EVC2: variants seen among roughly 807,000 people sequenced by gnomAD.
The protein encoded by EVC2 is EvC ciliary complex subunit 2, also known as limbin.
A neutral mutation model predicts 149.3 loss-of-function variants in EVC2; 148 were observed. The observed-to-expected ratio is 0.99, with a 90% CI of 0.87 to 1.14. The LOEUF is 1.14. Among genes scored for constraint, EVC2 ranks in the 50% most tolerant of loss-of-function variants. EVC2 has a pLI of 0.00. For synonymous variants in EVC2, 776 were observed against 649.9 expected, an observed-to-expected ratio of 1.19 and a Z score of -2.95; for missense variants, 1,854 against 1,627.3, an observed-to-expected ratio of 1.14 and a Z score of -2.40.
intron 16 of EVC2, among the ~76,000 whole-genome samples, chr4:5,586,461 C>T (rs1712288800): frequency 6.6e-6 from 1 of 152,134 alleles, no homozygotes; most frequent in South Asian, 2.1e-4. Flanking sequence ...ATTCCAAAGT[C>T]AACCTGAAAA....
rs575617564 is a variant in EVC2 at position 5,622,674 on chromosome 4, G to A, written c.2364C>T (p.Ala788=). 3.2e-5 allele frequency: 51 copies of A among 1,614,024 alleles called. No homozygotes were observed. The highest frequency in any genetic ancestry group is 3.7e-5 in the Non-Finnish European group (44 of 1,180,016). ...EEHGKEMAAR[A]EQLEGEERDR... ...CCCTCTCCTCCCCCTCCAGCTGCTC[G>A]GCCCGTGCAGCCATCTCCTTGCCGT... is the stretch of plus-strand genomic sequence containing the variant. Residue 788 remains alanine, a synonymous_variant, in exon 14 of 22, where the codon GCC becomes GCT. Transcript: ENST00000344408. The surrounding 1 kb of genome is among the most constrained non-coding windows in gnomAD (Gnocchi z 5.8).
At chr4:5,626,331 GTT>G (rs34539817) in intron 12 of EVC2, among the ~76,000 whole-genome samples, 6,622 of 124,492 alleles carry the variant, frequency 0.053, 321 homozygotes, top group African/African-American at 0.17. Context: ...CGTTCTTCTT[GTT>G]TTTTTTTTTT....
At chr4:5,538,712 G>A (rs1478030262), downstream of EVC2, among the ~76,000 whole-genome samples, 1 of 152,046 alleles carries the variant, frequency 6.6e-6, no homozygotes, top group Non-Finnish European at 1.5e-5. Context: ...ATAAAATGAT[G>A]AAAAACTAAA....
intron 2 of EVC2, among the ~76,000 whole-genome samples, chr4:5,695,921 A>G (rs532376171): frequency 6.6e-6 from 1 of 152,278 alleles, no homozygotes; most frequent in Admixed American, 6.5e-5. Flanking sequence ...GTCCTGGATT[A>G]AATTACAGTA....
rs113708733 is a variant in EVC2, at chr4:5,596,985, A to G, written c.2830-12135T>C. Among the ~76,000 whole-genome samples, 196 of 152,298 alleles carry G rather than the reference A, an allele frequency of 1.3e-3. 1 individual carries two copies. The highest frequency in any genetic ancestry group is 4.2e-3 in the African/African-American group (175 of 41,576). Reference sequence around the variant, plus strand: ...TCTAGAAGAAATGGATAAATTCCTCAACACATTCACCCTCCCAAGACTAAA... The same window carrying G: ...TCTAGAAGAAATGGATAAATTCCTCGACACATTCACCCTCCCAAGACTAAA... On this transcript the variant is annotated intron_variant, in intron 16 of 21. Transcript: ENST00000344408.
chr4:5,673,089 T>C (rs997107262), intron 7 of EVC2, among the ~76,000 whole-genome samples: 4 of 152,210 alleles, frequency 2.6e-5, no homozygotes, highest in Non-Finnish European at 5.9e-5. Context: ...ACAACACCTA[T>C]TGACTGTAGT....
rs746885727 is a variant in EVC2, at chr4:5,636,037, C to T, written c.1471-4005G>A. ...AAACCCTTGTCCAAGGTTGACTCAG[C>T]GCCGAGCAATGGCTGAAGTACTATA... On this transcript the variant is annotated intron_variant, in intron 10 of 21. Coordinates refer to ENST00000344408, the MANE Select transcript of EVC2 (RefSeq NM_147127.5). The surrounding 1 kb of genome is among the most constrained non-coding windows in gnomAD (Gnocchi z 4.6). Among the ~76,000 whole-genome samples the T allele has an allele frequency of 1.7e-4, 26 of 152,188 alleles. No individual in the cohort carries two copies. Among genetic ancestry groups the T allele is most frequent in the Admixed American group, 8.5e-4 (13 of 15,276 alleles).
intron 1 of EVC2, among the ~76,000 whole-genome samples, chr4:5,704,426 C>T (rs551973145): frequency 2.0e-5 from 3 of 152,060 alleles, no homozygotes; most frequent in African/African-American, 7.2e-5. Context: ...GGCAGGATTT[C>T]GGTTCTGCCT....
At chr4:5,626,716 G>C (rs920461784) in intron 12 of EVC2, among the ~76,000 whole-genome samples, 1 of 152,120 alleles carries the variant, frequency 6.6e-6, no homozygotes, top group African/African-American at 2.4e-5. Flanking sequence ...AAAGCAGACG[G>C]CCCTCCCCAG....
intron 19 of EVC2, among the ~76,000 whole-genome samples, chr4:5,572,462 C>T (rs1577104334): frequency 6.6e-6 from 1 of 152,142 alleles, no homozygotes; most frequent in Non-Finnish European, 1.5e-5. Flanking sequence ...CCCTTTTTGC[C>T]TTCCCATCCC....
At chr4:5,545,442 A>G (rs886103536) in intron 21 of EVC2, among the ~76,000 whole-genome samples, 3 of 152,202 alleles carry the variant, frequency 2.0e-5, no homozygotes, top group South Asian at 2.1e-4. Flanking sequence ...TTCCTCAGAT[A>G]TAAAAATGAG....
In EVC2 at chr4:5,640,642, C is replaced by A. The variant is rs748111872; in HGVS notation, c.1342G>T (p.Asp448Tyr). 1.9e-6 allele frequency: 3 copies of A among 1,613,962 alleles called. No homozygotes were observed. Among genetic ancestry groups the A allele is most frequent in the South Asian group, 2.2e-5 (2 of 91,072 alleles). The change falls in exon 10 of 22, where the codon GAT becomes TAT. Residue 448 changes from aspartate to tyrosine, a missense_variant. Asp to Tyr is a radical substitution (Grantham distance 160). Transcript: ENST00000344408. The surrounding 1 kb of genome is among the most constrained non-coding windows in gnomAD (Gnocchi z 4.6). ...GCTGTCAATGCCACCATCTTCCGAT[C>A]GTACTCCTCTTGTATTTCATTTTCC... ...LLENEIQEEY[D>Y]RKMVALTAEC...
chr4:5,587,224 C>CCTAAAG (rs1407478430), intron 16 of EVC2, among the ~76,000 whole-genome samples: 1 of 152,162 alleles, frequency 6.6e-6, no homozygotes, highest in Non-Finnish European at 1.5e-5. Flanking sequence ...TTTCACCACC[C>CCTAAAG]CTAAAGCAAA....
In EVC2 at chr4:5,567,730, C is replaced by T. The variant is rs1378960109; in HGVS notation, c.3557+714G>A. ...TACCCATAATTTAAAAAAAAATGGG[C>T]CCAAACTGAATGTCAAGTGACGGGA... On this transcript the variant is annotated intron_variant, in intron 20 of 21. Transcript: ENST00000344408. The surrounding 1 kb of genome is among the most constrained non-coding windows in gnomAD (Gnocchi z 4.4). Among the ~76,000 whole-genome samples the T allele has an allele frequency of 1.3e-5, 2 of 152,062 alleles. No individual in the cohort carries two copies. The highest frequency in any genetic ancestry group is 2.4e-5 in the African/African-American group (1 of 41,400).
intron 1 of EVC2, among the ~76,000 whole-genome samples, chr4:5,703,610 A>G (rs1721962021): frequency 6.6e-6 from 1 of 152,170 alleles, no homozygotes; most frequent in South Asian, 2.1e-4. Context: ...CAGTTACTTC[A>G]CTTGCATTCA....
Position 5,705,541 on chromosome 4 carries a change from T to C in EVC2, c.228+2745A>G, listed in dbSNP as rs1327592330. Among the ~76,000 whole-genome samples the C allele has an allele frequency of 1.4e-4, 6 of 43,942 alleles. No individual in the cohort carries two copies. The Admixed American group carries it at 1.7e-3, about 13-fold the overall frequency. The allele number at this position is 43,942 out of a possible 152,430, so 28.8% of individuals were successfully genotyped here. A position where few individuals can be genotyped will look rare whatever the true frequency, so the allele number is the denominator to read the frequency against. On this transcript the variant is annotated intron_variant, in intron 1 of 21. Transcript: ENST00000344408. ...CCATTGCATATTAACATAAATAGCA[T>C]TTTTTTTTGAAAACTAAATAAACTA...
At chr4:5,551,218 C>G (rs1185170648) in intron 21 of EVC2, among the ~76,000 whole-genome samples, 1 of 152,164 alleles carries the variant, frequency 6.6e-6, no homozygotes, top group African/African-American at 2.4e-5. Context: ...GCATCATGCA[C>G]CTGGAAAAGC....
At chr4:5,663,638 G>A (rs1719052744) in intron 8 of EVC2, among the ~76,000 whole-genome samples, 1 of 152,194 alleles carries the variant, frequency 6.6e-6, no homozygotes, top group African/African-American at 2.4e-5. Flanking sequence ...ATATAGGATT[G>A]AGTGGGGCGT....
chr4:5,535,680 C>T, the EVC2 span, among the ~76,000 whole-genome samples: 2 of 149,120 alleles, frequency 1.3e-5, no homozygotes, highest in African/African-American at 5.0e-5. This position sits in a 1 kb window ranked among gnomAD's most constrained non-coding sequence, Gnocchi z 4.7. Context: ...GGCACTAATC[C>T]CACCATGGGG....
Sources: allele counts gnomAD v4.1 joint callset (sites outside exome capture counted in the v4.1 genomes callset), GRCh38; gene constraint gnomAD v4.1.1; non-coding constraint Gnocchi (gnomAD v3.1); transcripts MANE v1.5; gene names NCBI Gene and HGNC (gene_info 2026-07-23, HGNC 2026-07-21).